The following TSPAN9 variants were observed in gnomAD, a reference collection of about 807,000 sequenced individuals.
The protein encoded by TSPAN9 is tetraspanin 9, also known as tetraspanin-9.
A neutral mutation model predicts 31.0 loss-of-function variants in TSPAN9; 16 were observed. The observed-to-expected ratio is 0.52, with a 90% CI of 0.35 to 0.78. The LOEUF (loss-of-function observed/expected upper bound fraction) is 0.78, where lower values mean the gene tolerates loss of function less well. Among genes scored for constraint, TSPAN9 ranks in the 30% least tolerant of loss-of-function variants. The probability of loss-of-function intolerance (pLI) is 0.01; values close to 1 mark genes in which losing one functional copy is unlikely to be tolerated. For missense variants in TSPAN9, 272 were observed against 312.5 expected, an observed-to-expected ratio of 0.87 and a Z score of 0.98; for synonymous variants, 145 against 121.6, an observed-to-expected ratio of 1.19 and a Z score of -1.27.
intron 2 of TSPAN9, among the ~76,000 whole-genome samples, chr12:3,194,940 A>C (rs1223534000): frequency 6.6e-6 from 1 of 152,192 alleles, no homozygotes; most frequent in East Asian, 1.9e-4. Context: ...CTCGGCAACG[A>C]AAGCATTTTC....
intron 3 of TSPAN9, among the ~76,000 whole-genome samples, chr12:3,256,528 TCTA>T (rs1862348262): frequency 6.6e-6 from 1 of 152,178 alleles, no homozygotes; most frequent in African/African-American, 2.4e-5. Flanking sequence ...GAGAGCTGCC[TCTA>T]GCGTAATCGT....
intron 3 of TSPAN9, among the ~76,000 whole-genome samples, chr12:3,226,783 TATA>T (rs2098387966): frequency 2.4e-4 from 4 of 16,894 alleles, no homozygotes; most frequent in African/African-American, 5.8e-4. Flanking sequence ...TATATATATA[TATA>T]TATATATATT....
chr12:3,116,220 A>G (rs541403121), intron 2 of TSPAN9, among the ~76,000 whole-genome samples: 24 of 152,320 alleles, frequency 1.6e-4, no homozygotes, highest in African/African-American at 5.5e-4. Flanking sequence ...TGCTGCCCCT[A>G]TAAGCTGCAT....
At chr12:3,220,355 C>T (rs1336347596) in intron 3 of TSPAN9, among the ~76,000 whole-genome samples, 1 of 152,148 alleles carries the variant, frequency 6.6e-6, no homozygotes, top group East Asian at 1.9e-4. Context: ...GGTAACAGAC[C>T]GAGGTGTCTC....
chr12:3,199,478 G>A (rs1187087838), intron 2 of TSPAN9, among the ~76,000 whole-genome samples: 2 of 152,252 alleles, frequency 1.3e-5, no homozygotes, highest in Non-Finnish European at 2.9e-5. Flanking sequence ...TTTACGGTAG[G>A]ATGTTCCCAA....
At chr12:3,226,761 TATATATATATATATATATATATA>T (rs1565622475) in intron 3 of TSPAN9, among the ~76,000 whole-genome samples, 8 of 1,784 alleles carry the variant, frequency 4.5e-3, no homozygotes, top group Non-Finnish European at 6.5e-3. Context: ...TATATATATA[TATATATATATATATATATATATA>T]TATATATATA....
At chr12:3,221,705 G>A (rs752838727) in intron 3 of TSPAN9, among the ~76,000 whole-genome samples, 1 of 151,898 alleles carries the variant, frequency 6.6e-6, no homozygotes, top group Non-Finnish European at 1.5e-5. Context: ...ACCCAGGCTG[G>A]AATCCAGTGG....
intron 3 of TSPAN9, chr12:3,273,095 G>T (rs540709588): frequency 2.0e-4 from 31 of 152,334 alleles, no homozygotes; most frequent in African/African-American, 7.2e-4. Flanking sequence ...CTGGGGGCCT[G>T]CACCCTTTCC....
At chr12:3,129,090 G>C (rs1026820264) in intron 2 of TSPAN9, among the ~76,000 whole-genome samples, 4 of 152,194 alleles carry the variant, frequency 2.6e-5, no homozygotes, top group African/African-American at 4.8e-5. Context: ...TGTAGCCTGT[G>C]TCAGATTTCC....
At chr12:3,138,227 G>A (rs142233069) in intron 2 of TSPAN9, among the ~76,000 whole-genome samples, 1 of 152,182 alleles carries the variant, frequency 6.6e-6, no homozygotes, top group Admixed American at 6.5e-5. Flanking sequence ...TGGCACACCT[G>A]TTAGGAATGA....
At chr12:3,081,329 G>C (rs1304497674) in intron 1 of TSPAN9, among the ~76,000 whole-genome samples, 1 of 152,104 alleles carries the variant, frequency 6.6e-6, no homozygotes, top group Non-Finnish European at 1.5e-5. Flanking sequence ...CATTCGCCTG[G>C]CATTCAGCAT....
At chr12:3,218,946 G>C (rs1020630255) in intron 3 of TSPAN9, among the ~76,000 whole-genome samples, 1 of 152,170 alleles carries the variant, frequency 6.6e-6, no homozygotes, top group Admixed American at 6.5e-5. Flanking sequence ...GAAAACCATG[G>C]TGGACATGTC....
At chr12:3,245,103 C>T (rs534604711) in intron 3 of TSPAN9, among the ~76,000 whole-genome samples, 33 of 152,366 alleles carry the variant, frequency 2.2e-4, no homozygotes, top group African/African-American at 7.7e-4. Context: ...TACAGCCACA[C>T]TCCTCTCCAG....
rs2098351026 is a variant in TSPAN9 at position 3,170,275 on chromosome 12, C to G, written c.-17-30902C>G. Among the ~76,000 whole-genome samples, 1 of 152,158 alleles carries G rather than the reference C, an allele frequency of 6.6e-6. No individual in the cohort carries two copies. Among genetic ancestry groups the G allele is most frequent in the South Asian group, 2.1e-4 (1 of 4,830 alleles). On this transcript the variant is annotated intron_variant, in intron 2 of 8. Coordinates refer to ENST00000011898, the MANE Select transcript of TSPAN9 (RefSeq NM_006675.5). The surrounding 1 kb of genome is among the most constrained non-coding windows in gnomAD (Gnocchi z 4.4). The stretch of plus-strand genomic sequence containing the variant: ...TTCTGCACTGATCCCTGCCAGGGCT[C>G]AGTATTTTCCTTCCTTTTCCATGGA...
intron 3 of TSPAN9, among the ~76,000 whole-genome samples, chr12:3,223,326 C>T (rs1481080012): frequency 6.6e-6 from 1 of 152,194 alleles, no homozygotes; most frequent in African/African-American, 2.4e-5. Context: ...CCAAGGCCTC[C>T]TCCAGCATGG....
At chr12:3,082,708 T>C (rs1350620850) in intron 1 of TSPAN9, among the ~76,000 whole-genome samples, 1 of 152,062 alleles carries the variant, frequency 6.6e-6, no homozygotes, top group African/African-American at 2.4e-5. Context: ...GTAACTTGAT[T>C]GGATGGGGAG....
At position 3,278,374 on chromosome 12, in the gene TSPAN9, C is replaced by T. The variant is rs183568320; in HGVS notation, c.64-47C>T. 1.7e-3 allele frequency: 2,723 copies of T among 1,603,210 alleles called. 41 individuals are homozygous for T. Among genetic ancestry groups the T allele is most frequent in the Non-Finnish European group, 1.7e-4 (199 of 1,174,208 alleles). ...CCTGCACTGTTCCCAGGTCCATGGA[C>T]GAATGTGAGAGCAGCGCCAGGCTAA... On this transcript the variant is annotated intron_variant, in intron 3 of 8. Transcript: ENST00000011898.
At position 3,198,676 on chromosome 12, in the gene TSPAN9, C is replaced by CCACCACCAGGACAGGT. The variant is rs1565610495; in HGVS notation, c.-17-2492_-17-2491insGACAGGTCACCACCAG. On this transcript the variant is annotated intron_variant, in intron 2 of 8. Coordinates refer to ENST00000011898, the MANE Select transcript of TSPAN9 (RefSeq NM_006675.5). ...CAGCACAGCTCACCACCAGCACAGG[C>CCACCACCAGGACAGGT]CACCACCAGCACAGGTCACCACCAG... Among the ~76,000 whole-genome samples, 40 of 77,484 alleles carry CCACCACCAGGACAGGT rather than the reference C, an allele frequency of 5.2e-4. 4 individuals are homozygous for CCACCACCAGGACAGGT. Among genetic ancestry groups the CCACCACCAGGACAGGT allele is most frequent in the Admixed American group, 8.1e-4 (6 of 7,392 alleles). The allele number at this position is 77,484 out of a possible 152,430, so 50.8% of individuals were successfully genotyped here. A position where few individuals can be genotyped will look rare whatever the true frequency, so the allele number is the denominator to read the frequency against.
At chr12:3,114,613 C>A (rs146647264) in intron 2 of TSPAN9, among the ~76,000 whole-genome samples, 1 of 152,020 alleles carries the variant, frequency 6.6e-6, no homozygotes. Context: ...GAGGCTGAGG[C>A]GGGTGGATCA....
Sources: gnomAD v4.1 joint callset for allele counts (sites outside exome capture counted in the v4.1 genomes callset) on GRCh38, gnomAD v4.1.1 for gene constraint, Gnocchi (gnomAD v3.1) non-coding constraint, MANE v1.5 for transcripts, NCBI Gene and HGNC (gene_info 2026-07-23, HGNC 2026-07-21) for gene names.